Variants in GRXCR2 observed in about 807,000 individuals in gnomAD.
GRXCR2 encodes glutaredoxin domain-containing cysteine-rich protein 2.
GRXCR2 carries 23 observed loss-of-function variants against 24.8 expected under a neutral mutation model. The observed-to-expected ratio is 0.93, with a 90% confidence interval of 0.67 to 1.32. GRXCR2 has a LOEUF of 1.32. Among genes scored for constraint, GRXCR2 ranks in the 40% most tolerant of loss-of-function variants. The pLI is 0.00. For synonymous variants in GRXCR2, 130 were observed against 116.1 expected (o/e 1.12, Z -0.77); for missense variants, 315 against 303.4 (o/e 1.04, Z -0.28).
intron 2 of GRXCR2, among the ~76,000 whole-genome samples, chr5:145,928,961 A>G (rs1004250370): frequency 7.2e-5 from 11 of 152,070 alleles, no homozygotes; most frequent in Admixed American, 2.0e-4. Context: ...ACAAACATAC[A>G]TGAGCAAAAT....
At chr5:145,889,557 G>T (rs1756832210) in intron 2 of GRXCR2, among the ~76,000 whole-genome samples, 1 of 152,100 alleles carries the variant, frequency 6.6e-6, no homozygotes, top group Non-Finnish European at 1.5e-5. Context: ...TTGAAGGAAA[G>T]AAAGAAGAGG....
At chr5:145,862,845 A>G (rs1281353475) in intron 2 of GRXCR2, among the ~76,000 whole-genome samples, 3 of 152,218 alleles carry the variant, frequency 2.0e-5, no homozygotes, top group African/African-American at 7.2e-5. Flanking sequence ...GTGACTATTA[A>G]TAATATCTAC....
At chr5:145,883,609 A>G (rs1756735786) in intron 2 of GRXCR2, among the ~76,000 whole-genome samples, 1 of 152,190 alleles carries the variant, frequency 6.6e-6, no homozygotes, top group South Asian at 2.1e-4. Context: ...AGTAGAGGTG[A>G]CAGCCAGGCA....
chr5:145,911,071 T>C lies in GRXCR2; in HGVS notation c.-70+24630A>G, dbSNP rs546909509. On this transcript the variant is annotated intron_variant, in intron 2 of 3. Coordinates refer to the GRXCR2 transcript ENST00000639411. ...TTAAAAAGGGGTTATATTATTTTTA[T>C]TGAAAATACTTAATTGGCGAATTAA... Among the ~76,000 whole-genome samples the C allele has an allele frequency of 2.0e-5, 3 of 152,330 alleles. No individual in the cohort carries two copies. The East Asian group carries it at 5.8e-4, about 29-fold the overall frequency.
chr5:145,889,832 C>T (rs1190983694), intron 2 of GRXCR2, among the ~76,000 whole-genome samples: 2 of 152,098 alleles, frequency 1.3e-5, no homozygotes, highest in Non-Finnish European at 2.9e-5. Context: ...ACTTCCAAAG[C>T]AGTCCAGAAA....
At chr5:145,926,329 T>A (rs1036574381) in intron 2 of GRXCR2, among the ~76,000 whole-genome samples, 2 of 152,146 alleles carry the variant, frequency 1.3e-5, no homozygotes, top group Admixed American at 6.6e-5. Context: ...TTTTAGTAAA[T>A]CTGTAATGAT....
intron 2 of GRXCR2, among the ~76,000 whole-genome samples, chr5:145,904,146 C>G (rs1757060530): frequency 1.3e-5 from 2 of 152,096 alleles, no homozygotes; most frequent in African/African-American, 4.8e-5. Flanking sequence ...GGAGTGAAAA[C>G]AGAGCTCTGG....
chr5:145,921,399 G>A (rs550599062), intron 2 of GRXCR2, among the ~76,000 whole-genome samples: 1 of 152,266 alleles, frequency 6.6e-6, no homozygotes, highest in African/African-American at 2.4e-5. Context: ...GTGGGACTTT[G>A]ACAGCATCAC....
At chr5:145,865,255 G>C (rs1756410242) in intron 2 of GRXCR2, among the ~76,000 whole-genome samples, 1 of 152,118 alleles carries the variant, frequency 6.6e-6, no homozygotes, top group South Asian at 2.1e-4. Context: ...CTAAGAGAGA[G>C]AAAATTCATT....
intron 2 of GRXCR2, among the ~76,000 whole-genome samples, chr5:145,897,066 T>C (rs1212179932): frequency 3.6e-5 from 5 of 137,928 alleles, no homozygotes; most frequent in African/African-American, 1.4e-4. Context: ...TTCTCACTCA[T>C]AGGTGGGAAT....
In GRXCR2 at chr5:145,859,672, C is replaced by A; in HGVS notation, c.*61G>T. 2 of 1,507,440 alleles carry A rather than the reference C, an allele frequency of 1.3e-6. No individual in the cohort carries two copies. The highest frequency in any genetic ancestry group is 9.2e-7 in the Non-Finnish European group (1 of 1,086,638). The allele number at this position is 1,507,440 out of a possible 1,614,324, so 93.4% of individuals were successfully genotyped here. ...GAGAGGCAGGAGGAGGAGAAGGGGG[C>A]GGTTTATTAGAAATAACTTTAGGGA... On this transcript the variant is annotated 3_prime_UTR_variant, in exon 3 of 3. Transcript: ENST00000377976.
chr5:145,874,531 T>C (rs1485109650), upstream of GRXCR2, among the ~76,000 whole-genome samples: 2 of 152,112 alleles, frequency 1.3e-5, no homozygotes, highest in African/African-American at 2.4e-5. Context: ...ACCACTGCCT[T>C]CTTTCATCTA....
chr5:145,916,045 G>A (rs570788126), intron 2 of GRXCR2, among the ~76,000 whole-genome samples: 145 of 152,292 alleles, frequency 9.5e-4, no homozygotes, highest in African/African-American at 3.3e-3. Context: ...TATTCATGGG[G>A]AAGCAGATGA....
At chr5:145,891,085 C>A (rs1438411952) in intron 2 of GRXCR2, among the ~76,000 whole-genome samples, 1 of 152,158 alleles carries the variant, frequency 6.6e-6, no homozygotes, top group African/African-American at 2.4e-5. Context: ...AATATATACA[C>A]ACCCAACATT....
chr5:145,859,911 C>G lies in GRXCR2; in HGVS notation c.569G>C (p.Gly190Ala). 6.4e-7 allele frequency: 1 copy of G among 1,568,500 alleles called. No homozygotes were observed. The highest frequency in any genetic ancestry group is 8.6e-7 in the Non-Finnish European group (1 of 1,156,962). Residue 190 changes from glycine (G) to alanine (A), a missense_variant, in exon 3 of 3, where the codon GGG becomes GCG. Physicochemically the swap from Gly to Ala is moderately conservative, Grantham distance 60. Coordinates refer to ENST00000377976, the MANE Select transcript of GRXCR2 (RefSeq NM_001080516.2). ...AAAACAGCTGTCCTCGGGAATATCC[C>G]CTTCCTGCAAGAGACAGGTTAGGGT... ...TLPQNRYTQEGDIPEDSCFHC... is the reference protein window; with the variant it reads ...TLPQNRYTQEADIPEDSCFHC...
chr5:145,858,949 AT>A lies in GRXCR2; in HGVS notation c.*783del, dbSNP rs1561673587. On this transcript the variant is annotated 3_prime_UTR_variant, in exon 3 of 3. Transcript: ENST00000377976. Reference sequence around the variant, plus strand: ...TGGCTAGGTTCTAGACTTAAAGTGGATTTATTTATTTGGTAGTAATTCAGGG... The same window carrying A: ...TGGCTAGGTTCTAGACTTAAAGTGGATTATTTATTTGGTAGTAATTCAGGG... 1 of 152,152 alleles carries A rather than the reference AT, an allele frequency of 6.6e-6. No homozygotes were observed. The highest frequency in any genetic ancestry group is 2.4e-5 in the African/African-American group (1 of 41,432). 9.4% of individuals were successfully genotyped at this position (152,152 alleles called of 1,614,324 possible). A position where few individuals can be genotyped will look rare whatever the true frequency, so the allele number is the denominator to read the frequency against.
chr5:145,918,011 CT>C (rs1429682637), intron 2 of GRXCR2, among the ~76,000 whole-genome samples: 1 of 152,134 alleles, frequency 6.6e-6, no homozygotes, highest in African/African-American at 2.4e-5. Flanking sequence ...ATCTCCTGAC[CT>C]CGTGATCTGC....
At chr5:145,891,850 G>A (rs1247825153) in intron 2 of GRXCR2, among the ~76,000 whole-genome samples, 1 of 152,206 alleles carries the variant, frequency 6.6e-6, no homozygotes, top group Non-Finnish European at 1.5e-5. Context: ...GTTGGTCCCT[G>A]ACCCCCGAGC....
chr5:145,860,466 G>A (rs190407945), intron 2 of GRXCR2, among the ~76,000 whole-genome samples: 2 of 152,190 alleles, frequency 1.3e-5, no homozygotes, highest in African/African-American at 4.8e-5. Context: ...TCATCTCAGC[G>A]ATTTGAGCAC....
Sources: gnomAD v4.1 joint callset for allele counts (sites outside exome capture counted in the v4.1 genomes callset) on GRCh38, gnomAD v4.1.1 for gene constraint, MANE v1.5 for transcripts, NCBI Gene and HGNC (gene_info 2026-07-23, HGNC 2026-07-21) for gene names.